The following VTI1A variants were observed in gnomAD, a reference collection of about 807,000 sequenced individuals.
The protein encoded by VTI1A is vesicle transport through interaction with t-SNAREs 1A.
Under a neutral mutation model 34.9 loss-of-function variants are expected in VTI1A, and 22 were observed. The observed-to-expected ratio is 0.63, with a 90% CI of 0.45 to 0.90. The LOEUF is 0.90. Among genes scored for constraint, VTI1A ranks in the 40% least tolerant of loss-of-function variants. The probability of loss-of-function intolerance (pLI) is 0.00; values close to 1 mark genes in which losing one functional copy is unlikely to be tolerated. For missense variants in VTI1A, 268 were observed against 275.6 expected (o/e 0.97, Z 0.20); for synonymous variants, 87 against 97.3 (o/e 0.89, Z 0.62).
chr10:112,834,238 A>G, the VTI1A span, among the ~76,000 whole-genome samples: 1 of 152,132 alleles, frequency 6.6e-6, no homozygotes, highest in Non-Finnish European at 1.5e-5. Context: ...CCCCCGCCCC[A>G]GTCTCTGGTC....
At chr10:112,491,004 C>A (rs1264379997) in intron 3 of VTI1A, among the ~76,000 whole-genome samples, 1 of 149,802 alleles carries the variant, frequency 6.7e-6, no homozygotes, top group East Asian at 2.0e-4. Flanking sequence ...GGTGTTTCTG[C>A]AAGTGCTCTT....
chr10:112,582,793 A>T (rs906691475), intron 5 of VTI1A, among the ~76,000 whole-genome samples: 1 of 152,130 alleles, frequency 6.6e-6, no homozygotes, highest in Non-Finnish European at 1.5e-5. Context: ...ACGTATAAAT[A>T]TTATTATATT....
intron 5 of VTI1A, among the ~76,000 whole-genome samples, chr10:112,656,923 T>G (rs1237758817): frequency 6.6e-6 from 1 of 152,158 alleles, no homozygotes; most frequent in Non-Finnish European, 1.5e-5. Context: ...GCCATTCTCA[T>G]GATAGCGAGG....
intron 7 of VTI1A, among the ~76,000 whole-genome samples, chr10:112,789,033 G>A (rs1038985225): frequency 6.6e-6 from 1 of 152,014 alleles, no homozygotes; most frequent in African/African-American, 2.4e-5. Context: ...AAATTATAGT[G>A]AGTGCTGTGC....
At chr10:112,505,289 T>G (rs972317928) in intron 3 of VTI1A, among the ~76,000 whole-genome samples, 2 of 152,204 alleles carry the variant, frequency 1.3e-5, no homozygotes, top group Non-Finnish European at 2.9e-5. Context: ...TCTTCCACTG[T>G]ATATTCTCAC....
intron 5 of VTI1A, among the ~76,000 whole-genome samples, chr10:112,645,519 G>A (rs772133821): frequency 1.3e-5 from 2 of 152,140 alleles, no homozygotes; most frequent in African/African-American, 2.4e-5. Flanking sequence ...TGAAGAAGGC[G>A]TCCACACTAA....
chr10:112,846,961 C>G, the VTI1A span, among the ~76,000 whole-genome samples: 1 of 151,976 alleles, frequency 6.6e-6, no homozygotes, highest in Non-Finnish European at 1.5e-5. Context: ...GGAATGCAGC[C>G]CTGCCAATGC....
At chr10:112,507,587 A>G (rs910565906) in intron 3 of VTI1A, among the ~76,000 whole-genome samples, 2 of 152,120 alleles carry the variant, frequency 1.3e-5, no homozygotes, top group Admixed American at 1.3e-4. Flanking sequence ...TATACCCAAG[A>G]TCTCAGAGCA....
intron 7 of VTI1A, among the ~76,000 whole-genome samples, chr10:112,792,659 G>A (rs146172253): frequency 2.6e-5 from 4 of 152,278 alleles, no homozygotes; most frequent in African/African-American, 4.8e-5. Context: ...GTCAAGATAC[G>A]GCAATGATAC....
intron 7 of VTI1A, among the ~76,000 whole-genome samples, chr10:112,791,146 G>A (rs1852460617): frequency 6.6e-6 from 1 of 152,204 alleles, no homozygotes; most frequent in Admixed American, 6.5e-5. Context: ...AAGGCAACAG[G>A]TGGGACCTGT....
chr10:112,686,087 G>A (rs949410475), intron 7 of VTI1A, among the ~76,000 whole-genome samples: 1 of 152,174 alleles, frequency 6.6e-6, no homozygotes, highest in Admixed American at 6.5e-5. Context: ...ACAAGATGGG[G>A]AATGTGGAGA....
chr10:112,815,175 T>TCCCCCC, intron 7 of VTI1A, 115 bp from the exon 8 acceptor site: 1 of 326,404 alleles, frequency 3.1e-6, no homozygotes, highest in South Asian at 2.2e-5. Flanking sequence ...ACACACACGC[T>TCCCCCC]CCCCACCCCC....
At chr10:112,796,678 A>C (rs1004000490) in intron 7 of VTI1A, among the ~76,000 whole-genome samples, 4 of 152,226 alleles carry the variant, frequency 2.6e-5, no homozygotes, top group Admixed American at 1.3e-4. Context: ...AGTATCTTCA[A>C]ACCCTGGGAG....
chr10:112,605,495 A>G (rs900382276), intron 5 of VTI1A, among the ~76,000 whole-genome samples: 6 of 152,096 alleles, frequency 3.9e-5, no homozygotes, highest in Non-Finnish European at 8.8e-5. Context: ...TGCTGCTTTC[A>G]ATTCCATGGA....
intron 3 of VTI1A, among the ~76,000 whole-genome samples, chr10:112,522,033 G>A (rs1199768232): frequency 6.6e-6 from 1 of 151,986 alleles, no homozygotes; most frequent in African/African-American, 2.4e-5. Flanking sequence ...ACAGAAGTAT[G>A]ATATTATTTA....
intron 3 of VTI1A, among the ~76,000 whole-genome samples, chr10:112,514,704 A>T (rs915190051): frequency 2.0e-5 from 3 of 151,924 alleles, no homozygotes; most frequent in African/African-American, 7.2e-5. Flanking sequence ...TCTTGTTTTT[A>T]AAGTAATATA....
intron 7 of VTI1A, among the ~76,000 whole-genome samples, chr10:112,758,905 G>A (rs1851369071): frequency 6.6e-6 from 1 of 152,134 alleles, no homozygotes; most frequent in Admixed American, 6.5e-5. Flanking sequence ...GGGCAACATG[G>A]CATCTACAAG....
chr10:112,695,751 G>T (rs908497032), intron 7 of VTI1A, among the ~76,000 whole-genome samples: 3 of 152,128 alleles, frequency 2.0e-5, no homozygotes, highest in African/African-American at 7.2e-5. Flanking sequence ...CAGCCCTGGA[G>T]TGGACACACC....
chr10:112,804,883 C>A lies in VTI1A; in HGVS notation c.561-10407C>A, dbSNP rs762597633. ...TTTTTTTTTTTTTTTTTTTTTGAGA[C>A]AGAGTCCTGCTCTGTCTCCCAGACT... On this transcript the variant is annotated intron_variant, in intron 7 of 7. Coordinates refer to ENST00000393077, the MANE Select transcript of VTI1A (RefSeq NM_145206.4). 0.012 allele frequency among the ~76,000 whole-genome samples: 1,211 copies of A among 103,140 alleles called. 14 individuals carry two copies. In the Middle Eastern group the frequency reaches 0.14, roughly 12 times the overall value. The allele number at this position is 103,140 out of a possible 152,430, so 67.7% of individuals were successfully genotyped here. A position where few individuals can be genotyped will look rare whatever the true frequency, so the allele number is the denominator to read the frequency against.
Sources: allele counts gnomAD v4.1 joint callset (sites outside exome capture counted in the v4.1 genomes callset), GRCh38; gene constraint gnomAD v4.1.1; transcripts MANE v1.5; gene names NCBI Gene and HGNC (gene_info 2026-07-23, HGNC 2026-07-21).